Variants in CDH4 observed in about 807,000 individuals in gnomAD.
CDH4 encodes cadherin 4.
Under a neutral mutation model 86.0 loss-of-function variants are expected in CDH4, and 33 were observed. That is an observed-to-expected ratio of 0.38 (90% CI 0.29 to 0.51). CDH4 has a LOEUF of 0.51. Among genes scored for constraint, CDH4 ranks in the 20% least tolerant of loss-of-function variants. The pLI is 0.86. For synonymous variants in CDH4, 555 were observed against 549.4 expected (o/e 1.01, Z -0.14); for missense variants, 1,114 against 1,307.4 (o/e 0.85, Z 2.28).
At chr20:61,298,182 G>A (rs552857685) in intron 2 of CDH4, among the ~76,000 whole-genome samples, 5 of 152,340 alleles carry the variant, frequency 3.3e-5, no homozygotes, top group African/African-American at 1.2e-4. Flanking sequence ...CGGGTTTCCG[G>A]CCTGTGTCAG....
chr20:61,437,566 A>G (rs536962460), intron 2 of CDH4: 48 of 152,198 alleles, frequency 3.2e-4, no homozygotes, highest in African/African-American at 1.2e-3. Flanking sequence ...AGCAGCACAC[A>G]CCGCCCTCTC....
chr20:61,850,021 G>C (rs1038410129), intron 5 of CDH4, among the ~76,000 whole-genome samples: 4 of 152,230 alleles, frequency 2.6e-5, no homozygotes, highest in Non-Finnish European at 5.9e-5. Context: ...TCCCCAGCCT[G>C]AGTACGCTGA....
intron 2 of CDH4, among the ~76,000 whole-genome samples, chr20:61,344,623 A>C (rs1223526694): frequency 6.6e-6 from 1 of 152,138 alleles, no homozygotes; most frequent in African/African-American, 2.4e-5. Flanking sequence ...GAGGTAAGCC[A>C]TTGTGTTTCC....
chr20:61,623,239 C>G lies in CDH4; in HGVS notation c.170-120324C>G, dbSNP rs952132206. ...ACCCCACCTGCCACGCTGCACCCCA[C>G]TCACCACACTGCGGCGCCTGCTTTT... On this transcript the variant is annotated intron_variant, in intron 2 of 15. Coordinates refer to ENST00000614565, the MANE Select transcript of CDH4 (RefSeq NM_001794.5). This position sits in a 1 kb window ranked among gnomAD's most constrained non-coding sequence, Gnocchi z 4.4. Among the ~76,000 whole-genome samples, 10 of 152,172 alleles carry G rather than the reference C, an allele frequency of 6.6e-5. No homozygotes were observed. The highest frequency in any genetic ancestry group is 1.5e-4 in the Non-Finnish European group (10 of 68,034).
intron 4 of CDH4, among the ~76,000 whole-genome samples, chr20:61,817,071 G>A (rs973758919): frequency 3.3e-5 from 5 of 152,178 alleles, no homozygotes; most frequent in African/African-American, 9.7e-5. Flanking sequence ...TCCTTGGCTG[G>A]GCACATGGCG....
At chr20:61,652,570 G>C (rs2087132990) in intron 2 of CDH4, among the ~76,000 whole-genome samples, 2 of 152,088 alleles carry the variant, frequency 1.3e-5, no homozygotes, top group African/African-American at 2.4e-5. Flanking sequence ...TATTTCCTTA[G>C]ATACATTCTT....
intron 2 of CDH4, among the ~76,000 whole-genome samples, chr20:61,362,796 A>G (rs2084791363): frequency 6.6e-6 from 1 of 152,130 alleles, no homozygotes; most frequent in Admixed American, 6.5e-5. Flanking sequence ...CGAGAGGATC[A>G]TGCGTTCTGT....
intron 7 of CDH4, among the ~76,000 whole-genome samples, chr20:61,894,411 C>G (rs147425260): frequency 7.1e-4 from 108 of 152,346 alleles, no homozygotes; most frequent in African/African-American, 2.2e-3. Context: ...CGCACCTGCA[C>G]AGAGAAGGGA....
intron 2 of CDH4, among the ~76,000 whole-genome samples, chr20:61,490,736 T>C (rs1396415777): frequency 6.6e-6 from 1 of 151,384 alleles, no homozygotes; most frequent in East Asian, 1.9e-4. Flanking sequence ...CTGGCAGTGG[T>C]GGGAGTCGGA....
intron 2 of CDH4, among the ~76,000 whole-genome samples, chr20:61,382,283 C>T (rs1244641337): frequency 1.3e-5 from 2 of 152,138 alleles, no homozygotes; most frequent in South Asian, 2.1e-4. Context: ...TGCAGCAGCT[C>T]TAACTTATTA....
At chr20:61,688,231 TA>T (rs1257100544) in intron 2 of CDH4, among the ~76,000 whole-genome samples, 1 of 151,978 alleles carries the variant, frequency 6.6e-6, no homozygotes, top group Non-Finnish European at 1.5e-5. Flanking sequence ...CCACCACCAT[TA>T]AATTGAGCAA....
chr20:61,257,344 T>C (rs2084104301), intron 2 of CDH4, among the ~76,000 whole-genome samples: 1 of 152,256 alleles, frequency 6.6e-6, no homozygotes, highest in Non-Finnish European at 1.5e-5. Context: ...TGGCATTTTG[T>C]TTTATGTCTA....
chr20:61,734,152 C>T (rs564163679), intron 2 of CDH4, among the ~76,000 whole-genome samples: 48 of 152,356 alleles, frequency 3.2e-4, no homozygotes, highest in Admixed American at 7.2e-4. Flanking sequence ...GCTTTGGATC[C>T]GCATCACTGC....
intron 2 of CDH4, among the ~76,000 whole-genome samples, chr20:61,737,503 T>G (rs1420950243): frequency 6.6e-6 from 1 of 152,230 alleles, no homozygotes; most frequent in Non-Finnish European, 1.5e-5. Context: ...GTGACCCCAC[T>G]GCAGCCTGGA....
At chr20:61,471,434 A>G (rs2085502492) in intron 2 of CDH4, among the ~76,000 whole-genome samples, 1 of 151,144 alleles carries the variant, frequency 6.6e-6, no homozygotes, top group African/African-American at 2.4e-5. Flanking sequence ...CAATCTAGCT[A>G]AAGGTTTGTC....
At chr20:61,509,207 A>C (rs1210061983) in intron 2 of CDH4, among the ~76,000 whole-genome samples, 2 of 151,958 alleles carry the variant, frequency 1.3e-5, no homozygotes, top group East Asian at 3.9e-4. Flanking sequence ...TTGGGGCATG[A>C]ATGAAATCAC....
chr20:61,293,903 G>A (rs4812291), intron 2 of CDH4, among the ~76,000 whole-genome samples: 89,883 of 151,944 alleles, frequency 0.59, 26,980 homozygotes, highest in Admixed American at 0.66. Context: ...CGGGTTTTGC[G>A]GGTCCACTTT....
chr20:61,491,611 T>C (rs940700710), intron 2 of CDH4, among the ~76,000 whole-genome samples: 3 of 152,254 alleles, frequency 2.0e-5, no homozygotes, highest in African/African-American at 4.8e-5. Context: ...AAGACAAGTC[T>C]GCCATTGTCT....
chr20:61,819,043 G>C (rs1168700266), intron 4 of CDH4, among the ~76,000 whole-genome samples: 1 of 152,234 alleles, frequency 6.6e-6, no homozygotes, highest in African/African-American at 2.4e-5. Context: ...GAGCCATGTG[G>C]CTGCGCCCCA....
Sources: allele counts gnomAD v4.1 joint callset (sites outside exome capture counted in the v4.1 genomes callset), GRCh38; gene constraint gnomAD v4.1.1; non-coding constraint Gnocchi (gnomAD v3.1); transcripts MANE v1.5; gene names NCBI Gene and HGNC (gene_info 2026-07-23, HGNC 2026-07-21).